TOP1: variants seen among roughly 807,000 people sequenced by gnomAD.
TOP1 encodes the protein DNA topoisomerase 1.
In TOP1, 10 loss-of-function variants were observed where a neutral mutation model predicts 111.1. The ratio of observed to expected loss-of-function variants is 0.09; its 90% CI spans 0.06 to 0.15. TOP1 has a LOEUF of 0.15. Among genes scored for constraint, TOP1 ranks in the 10% least tolerant of loss-of-function variants. TOP1 has a pLI of 1.00. For missense variants in TOP1, 474 were observed against 926.7 expected, an observed-to-expected ratio of 0.51 and a Z score of 6.34; for synonymous variants, 271 against 302.9, an observed-to-expected ratio of 0.89 and a Z score of 1.10.
At position 41,073,385 on chromosome 20, in the gene TOP1, A is replaced by AG. The variant is rs1555804474; in HGVS notation, c.156-2786_156-2785insG. 176 of 984,128 alleles carry AG rather than the reference A, an allele frequency of 1.8e-4. 1 individual carries two copies. The African/African-American group carries it at 2.8e-3, about 16-fold the overall frequency. 61.0% of individuals were successfully genotyped at this position (984,128 alleles called of 1,614,324 possible). On this transcript the variant is annotated intron_variant, in intron 3 of 20. Coordinates refer to ENST00000361337, the MANE Select transcript of TOP1 (RefSeq NM_003286.4). ...CATGGGAAGACAATGAAAAAAAAAA[A>AG]AAAGAAAGAAAGAAAAGAAAAGAAA...
intron 8 of TOP1, among the ~76,000 whole-genome samples, chr20:41,088,776 GGTTA>G (rs1231041892): frequency 1.3e-5 from 2 of 152,014 alleles, no homozygotes; most frequent in African/African-American, 2.4e-5. Flanking sequence ...AAAAGTGGTA[GGTTA>G]GTTATAGAAG....
At chr20:41,036,370 C>T (rs193296431) in intron 2 of TOP1, among the ~76,000 whole-genome samples, 3 of 152,152 alleles carry the variant, frequency 2.0e-5, no homozygotes, top group South Asian at 2.1e-4. Flanking sequence ...TGTAGGATTC[C>T]GAAAAATCGA....
chr20:41,114,201 A>G lies in TOP1; in HGVS notation c.1638+46A>G, dbSNP rs1340615572. 3 of 1,535,516 alleles carry G rather than the reference A, an allele frequency of 2.0e-6. No individual in the cohort carries two copies. The highest frequency in any genetic ancestry group is 2.3e-5 in the East Asian group (1 of 44,240). On this transcript the variant is annotated intron_variant, in intron 15 of 20. Transcript: ENST00000361337. The surrounding 1 kb of genome is among the most constrained non-coding windows in gnomAD (Gnocchi z 4.5). ...TGTCTGACTTGTTTTCCATTATTCA[A>G]CAAGCATGGGTTGACTGCTTTTTTG...
chr20:41,033,341 T>C (rs908784770), intron 2 of TOP1, among the ~76,000 whole-genome samples: 1 of 73,886 alleles, frequency 1.4e-5, no homozygotes, highest in African/African-American at 5.6e-5. Context: ...TTTTAACCAA[T>C]AGCAGCAAAA....
At chr20:41,044,037 G>C (rs1333930245) in intron 2 of TOP1, among the ~76,000 whole-genome samples, 3 of 152,212 alleles carry the variant, frequency 2.0e-5, no homozygotes, top group Admixed American at 6.5e-5. Context: ...AGCACTTTGG[G>C]AGGCCGAGGC....
At chr20:41,108,836 A>AT (rs893278072) in intron 13 of TOP1, among the ~76,000 whole-genome samples, 23 of 152,346 alleles carry the variant, frequency 1.5e-4, no homozygotes, top group African/African-American at 5.3e-4. Flanking sequence ...AAGGCTGCTT[A>AT]TGGGTACTCA....
rs2033773815 is a variant in TOP1 at position 41,080,249 on chromosome 20, G to T, written c.431+69G>T. 4.3e-6 allele frequency: 4 copies of T among 935,984 alleles called. No individual in the cohort carries two copies. The highest frequency in any genetic ancestry group is 2.6e-5 in the Admixed American group (1 of 38,144). 58.0% of individuals were successfully genotyped at this position (935,984 alleles called of 1,614,324 possible). Reference sequence around the variant, plus strand: ...GGAGTTTAAAGAATAAATGTGATGTGTTTCTTTATAATACATATAGAAACT... The same window carrying T: ...GGAGTTTAAAGAATAAATGTGATGTTTTTCTTTATAATACATATAGAAACT... On this transcript the variant is annotated intron_variant, in intron 6 of 20. Coordinates refer to ENST00000361337, the MANE Select transcript of TOP1 (RefSeq NM_003286.4). The surrounding 1 kb of genome is among the most constrained non-coding windows in gnomAD (Gnocchi z 5.0).
Position 41,057,598 on chromosome 20 carries a change from C to G in TOP1, c.59-3796C>G, listed in dbSNP as rs144151516. ...AGTAATTGTGGGGAAAACTAGAAAA[C>G]AAGATGAAGTATATGCACAAAAACT... On this transcript the variant is annotated intron_variant, in intron 2 of 20. Transcript: ENST00000361337. Among the ~76,000 whole-genome samples, 532 of 152,186 alleles carry G rather than the reference C, an allele frequency of 3.5e-3. 6 individuals are homozygous for G. The highest frequency in any genetic ancestry group is 0.012 in the African/African-American group (502 of 41,490).
At chr20:41,056,866 G>C (rs1314411363) in intron 2 of TOP1, among the ~76,000 whole-genome samples, 1 of 152,058 alleles carries the variant, frequency 6.6e-6, no homozygotes, top group Non-Finnish European at 1.5e-5. Flanking sequence ...CCACAGCCCC[G>C]AGTTTCTCAC....
At chr20:41,077,129 G>A (rs1335992784) in intron 4 of TOP1, among the ~76,000 whole-genome samples, 1 of 152,058 alleles carries the variant, frequency 6.6e-6, no homozygotes, top group African/African-American at 2.4e-5. Flanking sequence ...TGTGTTGGCG[G>A]GGCTAGTCTC....
chr20:41,097,132 ATT>A lies in TOP1; in HGVS notation c.731-87_731-86del. Reference sequence around the variant, plus strand: ...TTTATATACCATGAGAAGGCAAACCATTATTAAAGAGAATTCGCTAGCCCTGG... The same window carrying A: ...TTTATATACCATGAGAAGGCAAACCAATTAAAGAGAATTCGCTAGCCCTGG... On this transcript the variant is annotated intron_variant, in intron 9 of 20. Coordinates refer to ENST00000361337, the MANE Select transcript of TOP1 (RefSeq NM_003286.4). The surrounding 1 kb of genome is among the most constrained non-coding windows in gnomAD (Gnocchi z 4.2). 1 of 1,459,444 alleles carries A rather than the reference ATT, an allele frequency of 6.9e-7. No homozygotes were observed. The highest frequency in any genetic ancestry group is 9.3e-7 in the Non-Finnish European group (1 of 1,078,840). 90.4% of individuals were successfully genotyped at this position (1,459,444 alleles called of 1,614,324 possible).
chr20:41,081,142 T>G, intron 6 of TOP1, 23 bp from the exon 7 acceptor site: 2 of 1,581,268 alleles, frequency 1.3e-6, no homozygotes, highest in Non-Finnish European at 1.7e-6. Flanking sequence ...ATGTTAACTG[T>G]GTATTCATGT....
Position 41,076,198 on chromosome 20 carries a change from C to A in TOP1, c.183C>A (p.His61Gln). 6.2e-7 allele frequency: 1 copy of A among 1,606,594 alleles called. No homozygotes were observed. Among genetic ancestry groups the A allele is most frequent in the Non-Finnish European group, 8.5e-7 (1 of 1,174,514 alleles). ...NSEHKDSEKK[H>Q]KEKEKTKHKD... ...AACATAAAGATTCTGAAAAGAAACA[C>A]AAAGAGAAGGAGAAGACCAAACACA... The change falls in exon 4 of 21, where the codon CAC (histidine) becomes CAA (glutamine). Residue 61 changes from histidine to glutamine, a missense_variant. By Grantham distance (24) the His-to-Gln change is conservative (BLOSUM62 0). Coordinates refer to ENST00000361337, the MANE Select transcript of TOP1 (RefSeq NM_003286.4).
intron 2 of TOP1, among the ~76,000 whole-genome samples, chr20:41,048,606 A>G (rs560178584): frequency 6.6e-6 from 1 of 152,336 alleles, no homozygotes; most frequent in East Asian, 1.9e-4. Context: ...TCTTCTTACT[A>G]TTAGAAAGTG....
chr20:41,044,687 A>T (rs116725992), intron 2 of TOP1, among the ~76,000 whole-genome samples: 240 of 152,314 alleles, frequency 1.6e-3, no homozygotes, highest in African/African-American at 5.3e-3. Flanking sequence ...ATTTTCCTGG[A>T]TAATTTCATC....
In TOP1 at chr20:41,030,044, G is replaced by A. The variant is rs1388461958; in HGVS notation, c.58+589G>A. On this transcript the variant is annotated intron_variant, in intron 2 of 20. Transcript: ENST00000361337. This position sits in a 1 kb window ranked among gnomAD's most constrained non-coding sequence, Gnocchi z 4.1. ...CAACTGTTAATTTTTTTTTTGATAG[G>A]CTGTTTATGATAGGAATTATGGCTC... Among the ~76,000 whole-genome samples, 1 of 151,754 alleles carries A rather than the reference G, an allele frequency of 6.6e-6. No individual in the cohort carries two copies. The highest frequency in any genetic ancestry group is 2.4e-5 in the African/African-American group (1 of 41,286).
Position 41,058,748 on chromosome 20 carries a change from A to G in TOP1, c.59-2646A>G, listed in dbSNP as rs1179193304. ...CTCTTGAAAAGCGGAGTAACAAACAATCTTATAGTCAAGATTGTGTTTGTG... is the reference window on the plus strand; with the variant it reads ...CTCTTGAAAAGCGGAGTAACAAACAGTCTTATAGTCAAGATTGTGTTTGTG... On this transcript the variant is annotated intron_variant, in intron 2 of 20. Transcript: ENST00000361337. This position sits in a 1 kb window ranked among gnomAD's most constrained non-coding sequence, Gnocchi z 4.2. Among the ~76,000 whole-genome samples, 9 of 152,196 alleles carry G rather than the reference A, an allele frequency of 5.9e-5. No homozygotes were observed. Among genetic ancestry groups the G allele is most frequent in the Admixed American group, 5.2e-4 (8 of 15,280 alleles).
intron 2 of TOP1, among the ~76,000 whole-genome samples, chr20:41,039,569 G>A (rs1318135688): frequency 6.6e-6 from 1 of 151,964 alleles, no homozygotes; most frequent in Non-Finnish European, 1.5e-5. Context: ...TTTATTTCCT[G>A]TTATCTTTTT....
rs1943043717 is a variant in TOP1 at position 41,046,622 on chromosome 20, G to A, written c.59-14772G>A. Among the ~76,000 whole-genome samples, 1 of 152,320 alleles carries A rather than the reference G, an allele frequency of 6.6e-6. No homozygotes were observed. The highest frequency in any genetic ancestry group is 2.1e-4 in the South Asian group (1 of 4,830). On this transcript the variant is annotated intron_variant, in intron 2 of 20. Transcript: ENST00000361337. The surrounding 1 kb of genome is among the most constrained non-coding windows in gnomAD (Gnocchi z 4.3). ...GGATAGTTTATTTTTTAGCAGTTCA[G>A]CTTGTGCTTGGACCCAGTTGTTCCA...
Sources: allele counts gnomAD v4.1 joint callset (sites outside exome capture counted in the v4.1 genomes callset), GRCh38; gene constraint gnomAD v4.1.1; non-coding constraint Gnocchi (gnomAD v3.1); transcripts MANE v1.5; gene names NCBI Gene and HGNC (gene_info 2026-07-23, HGNC 2026-07-21).